The following SON variants were observed in gnomAD, a reference collection of about 807,000 sequenced individuals.
SON encodes the protein SON DNA and RNA binding protein.
SON carries 4 observed loss-of-function variants against 173.3 expected under a neutral mutation model. That is an observed-to-expected ratio of 0.02 (90% CI 0.01 to 0.05). SON has a LOEUF of 0.05. SON is among the 10% of genes least tolerant of loss of function. SON has a pLI of 1.00. For synonymous variants in SON, 1,190 were observed against 1,105.9 expected, an observed-to-expected ratio of 1.08 and a Z score of -1.51; for missense variants, 2,626 against 3,055.3, an observed-to-expected ratio of 0.86 and a Z score of 3.31.
At chr21:33,572,768 GTTTT>G (rs78936304) in intron 8 of SON, 38 of 232,026 alleles carry the variant, frequency 1.6e-4, no homozygotes, top group East Asian at 7.1e-4. Context: ...AATTTCAAGA[GTTTT>G]TTTTTTTTTT....
At chr21:33,557,797 G>C (rs899266741) in intron 4 of SON, 1 of 1,127,932 alleles carries the variant, frequency 8.9e-7, no homozygotes, top group Non-Finnish European at 1.2e-6. Context: ...CAACATTTCG[G>C]GTTTTGGCTG....
chr21:33,551,210 C>T lies in SON; in HGVS notation c.1979C>T (p.Thr660Ile), dbSNP rs1383621975. The T allele has an allele frequency of 2.5e-6, 4 of 1,614,080 alleles. No individual in the cohort carries two copies. The highest frequency in any genetic ancestry group is 3.4e-6 in the Non-Finnish European group (4 of 1,179,956). The change falls in exon 3 of 12, where the codon ACA (threonine) becomes ATA (isoleucine). Residue 660 changes from threonine (T) to isoleucine (I), a missense_variant. Thr to Ile is a moderately conservative substitution (Grantham distance 89). Transcript: ENST00000356577. ...ALEISVQSVV[T>I]TSELSTMTVS... The stretch of plus-strand genomic sequence containing the variant: ...GAGATCTCTGTTCAGTCTGTGGTGA[C>T]AACATCGGAGCTGTCAACGATGACC...
At position 33,567,343 on chromosome 21, in the gene SON, AAAT is replaced by A; in HGVS notation, c.6768+79_6768+81del. 3 of 820,700 alleles carry A rather than the reference AAAT, an allele frequency of 3.7e-6. 1 individual carries two copies. In the Middle Eastern group the frequency reaches 6.7e-4, roughly 183 times the overall value. The allele number at this position is 820,700 out of a possible 1,614,324, so 50.8% of individuals were successfully genotyped here. The stretch of plus-strand genomic sequence containing the variant: ...CACCAATGTACCAGTTTTAATGTCT[AAAT>A]AAGAATTTTGCTAACTAGATGGTTG... On this transcript the variant is annotated intron_variant, in intron 7 of 11. Coordinates refer to ENST00000356577, the MANE Select transcript of SON (RefSeq NM_138927.4).
intron 8 of SON, 182 bp downstream of exon 8, chr21:33,569,269 T>C: frequency 1.8e-6 from 1 of 548,958 alleles, no homozygotes; most frequent in South Asian, 2.4e-5. Flanking sequence ...ATGGCAAATG[T>C]ATAAATGTGG....
Position 33,546,513 on chromosome 21 carries a change from C to T in SON, c.244+134C>T, listed in dbSNP as rs1231624125. 6.9e-5 allele frequency: 46 copies of T among 662,314 alleles called. No homozygotes were observed. The Middle Eastern group carries it at 1.8e-3, about 26-fold the overall frequency. 41.0% of individuals were successfully genotyped at this position (662,314 alleles called of 1,614,324 possible). ...AAAAACTTTAGGCTGGGTGCGATGG[C>T]TCACGCCTGTAATCCCAGCACTTTG... On this transcript the variant is annotated intron_variant, in intron 2 of 11. Transcript: ENST00000356577.
Position 33,569,711 on chromosome 21 carries a change from G to A in SON, c.6885+624G>A. 1.2e-5 allele frequency: 5 copies of A among 404,412 alleles called. 1 individual carries two copies. Among genetic ancestry groups the A allele is most frequent in the South Asian group, 9.2e-5 (5 of 54,164 alleles). The allele number at this position is 404,412 out of a possible 1,614,324, so 25.1% of individuals were successfully genotyped here. On this transcript the variant is annotated intron_variant, in intron 8 of 11. Transcript: ENST00000356577. ...GGCCCTAGTATTAGCTCTGCATGTG[G>A]TGATCTTGCCATGGGACTGGAAGCC...
intron 3 of SON, among the ~76,000 whole-genome samples, chr21:33,556,883 G>T (rs565875578): frequency 6.6e-6 from 1 of 151,796 alleles, no homozygotes; most frequent in Non-Finnish European, 1.5e-5. Context: ...GTAACCTATT[G>T]TAATATTCTA....
chr21:33,554,391 A>C lies in SON; in HGVS notation c.5160A>C (p.Gly1720=). 6.2e-7 allele frequency: 1 copy of C among 1,614,178 alleles called. No homozygotes were observed. Among genetic ancestry groups the C allele is most frequent in the Non-Finnish European group, 8.5e-7 (1 of 1,180,038 alleles). The stretch of plus-strand genomic sequence containing the variant: ...CTAAAGAGACACTGCCTGATTCAGG[A>C]TTTTCTGCCAATATTGAGGATATTA... The part of the protein sequence containing the change: ...PPPKETLPDS[G]FSANIEDINE... The change falls in exon 3 of 12, where the codon GGA becomes GGC. Residue 1720 remains glycine, a synonymous_variant. Transcript: ENST00000356577.
intron 6 of SON, chr21:33,560,716 A>C: frequency 1.7e-6 from 1 of 586,088 alleles, no homozygotes; most frequent in Non-Finnish European, 2.1e-6. Flanking sequence ...TGGAGTCTTA[A>C]TAGGGGGGTG....
In SON at chr21:33,553,615, C is replaced by A. The variant is rs1377231604; in HGVS notation, c.4384C>A (p.Pro1462Thr). 6.2e-7 allele frequency: 1 copy of A among 1,613,824 alleles called. No individual in the cohort carries two copies. The change falls in exon 3 of 12, where the codon CCA (proline) becomes ACA (threonine). Residue 1462 changes from proline (P) to threonine (T), a missense_variant. Pro to Thr is a conservative substitution (Grantham distance 38). Transcript: ENST00000356577. ...AGTCTCAGAGCAGACTCAAGTAATA[C>A]CAACTGAGGTGGCTATAGAGTCCAC... ...VTVSEQTQVI[P>T]TEVAIESTPM...
chr21:33,565,194 T>C (rs1278684153), intron 6 of SON, among the ~76,000 whole-genome samples: 1 of 152,180 alleles, frequency 6.6e-6, no homozygotes, highest in Non-Finnish European at 1.5e-5. Flanking sequence ...AAGAATTAGT[T>C]TTATTCTAGA....
intron 1 of SON, 94 bp downstream of exon 1, chr21:33,543,263 C>A: frequency 8.2e-7 from 1 of 1,213,152 alleles, no homozygotes; most frequent in Non-Finnish European, 1.2e-6. Context: ...AGTCGTTCCC[C>A]GGCTCAGGCC....
chr21:33,565,231 G>A (rs8133937), intron 6 of SON, among the ~76,000 whole-genome samples: 8,775 of 152,254 alleles, frequency 0.058, 859 homozygotes, highest in African/African-American at 0.2. Flanking sequence ...CATCTGAATA[G>A]ATGAGTAGCT....
In SON at chr21:33,554,340, A is replaced by G; in HGVS notation, c.5109A>G (p.Gly1703=). ...AALLSPKESS[G]GEKEVPPPPK... is the part of the protein sequence containing the mutation. ...TGCTCAGCCCTAAAGAAAGTAGTGG[A>G]GGAGAAAAAGAAGTACCTCCCCCTC... Residue 1703 remains glycine, a synonymous_variant, in exon 3 of 12, where the codon GGA becomes GGG. Coordinates refer to ENST00000356577, the MANE Select transcript of SON (RefSeq NM_138927.4). 6.2e-7 allele frequency: 1 copy of G among 1,614,166 alleles called. No individual in the cohort carries two copies. Among genetic ancestry groups the G allele is most frequent in the Non-Finnish European group, 8.5e-7 (1 of 1,179,998 alleles).
chr21:33,552,398 G>T lies in SON; in HGVS notation c.3167G>T (p.Arg1056Leu). 1 of 1,613,912 alleles carries T rather than the reference G, an allele frequency of 6.2e-7. No individual in the cohort carries two copies. Among genetic ancestry groups the T allele is most frequent in the South Asian group, 1.1e-5 (1 of 91,072 alleles). Residue 1056 changes from arginine to leucine, a missense_variant, in exon 3 of 12, where the codon CGC becomes CTC. By Grantham distance (102) the Arg-to-Leu change is moderately radical. Around this residue, in one of 13 missense-constraint regions of SON, gnomAD observed 366 missense variants for 448.6 expected, o/e 0.82. Coordinates refer to ENST00000356577, the MANE Select transcript of SON (RefSeq NM_138927.4). This position sits in a 1 kb window ranked among gnomAD's most constrained non-coding sequence, Gnocchi z 5.6. ...TCTATGATGTCCCCTATGGCTGAGC[G>T]CTCTATGATGTCAGCTTATGAACGC... ...ERSMMSPMAE[R>L]SMMSAYERSM...
intron 8 of SON, 28 bp downstream of exon 8, chr21:33,569,115 G>A: frequency 7.4e-7 from 1 of 1,356,474 alleles, no homozygotes; most frequent in South Asian, 1.2e-5. Context: ...ATATGAAAGT[G>A]TCGAACAAAA....
At position 33,546,382 on chromosome 21, in the gene SON, A is replaced by G. The variant is rs1486658112; in HGVS notation, c.244+3A>G. ...TACAGAACTACGATATAAGCCAGGT[A>G]AGTTGGAGATAATTAACTGTCTCAA... On this transcript the variant is annotated splice_donor_region_variant and intron_variant, in intron 2 of 11. Coordinates refer to ENST00000356577, the MANE Select transcript of SON (RefSeq NM_138927.4). 1.3e-6 allele frequency: 2 copies of G among 1,592,320 alleles called. No homozygotes were observed. Among genetic ancestry groups the G allele is most frequent in the Non-Finnish European group, 1.7e-6 (2 of 1,174,002 alleles).
intron 11 of SON, 107 bp downstream of exon 11, chr21:33,576,000 G>T (rs2086390837): frequency 3.4e-6 from 2 of 596,522 alleles, no homozygotes; most frequent in Admixed American, 3.3e-5. Context: ...TGGGTGGGGG[G>T]TTTGTATTTG....
Position 33,554,968 on chromosome 21 carries a change from G to A in SON, c.5737G>A (p.Asp1913Asn). ...ERKRKRSSSR[D>N]NRKTVRARSR... ...AAAAAGAAAAAGATCAAGCTCCAGG[G>A]ATAACCGAAAGACAGTTAGAGCTCG... is the stretch of plus-strand genomic sequence containing the variant. Residue 1913 changes from aspartate (D) to asparagine (N), a missense_variant, in exon 3 of 12, where the codon GAT (aspartate) becomes AAT (asparagine). Asp to Asn is a conservative substitution (Grantham distance 23). Coordinates refer to ENST00000356577, the MANE Select transcript of SON (RefSeq NM_138927.4). 1.2e-6 allele frequency: 2 copies of A among 1,613,884 alleles called. No homozygotes were observed. Among genetic ancestry groups the A allele is most frequent in the Non-Finnish European group, 1.7e-6 (2 of 1,180,018 alleles).
Sources: allele counts gnomAD v4.1 joint callset (sites outside exome capture counted in the v4.1 genomes callset), GRCh38; gene constraint gnomAD v4.1.1; regional missense constraint gnomAD v4.1.1; non-coding constraint Gnocchi (gnomAD v3.1); transcripts MANE v1.5; gene names NCBI Gene and HGNC (gene_info 2026-07-23, HGNC 2026-07-21).